TSPAN9: variants seen among roughly 807,000 people sequenced by gnomAD.
TSPAN9 encodes tetraspanin 9.
Under a neutral mutation model 31.0 loss-of-function variants are expected in TSPAN9, and 16 were observed. That is an observed-to-expected ratio of 0.52 (90% CI 0.35 to 0.78). The LOEUF (loss-of-function observed/expected upper bound fraction) is 0.78, where lower values mean the gene tolerates loss of function less well. TSPAN9 is among the 30% of genes least tolerant of loss of function. TSPAN9 has a pLI of 0.01. For synonymous variants in TSPAN9, 145 were observed against 121.6 expected, an observed-to-expected ratio of 1.19 and a Z score of -1.27; for missense variants, 272 against 312.5, an observed-to-expected ratio of 0.87 and a Z score of 0.98.
intron 2 of TSPAN9, among the ~76,000 whole-genome samples, chr12:3,148,274 C>T (rs990546495): frequency 7.2e-5 from 11 of 152,210 alleles, no homozygotes; most frequent in African/African-American, 2.2e-4. Context: ...AATTATCTGC[C>T]TCATTTTGCA....
intron 3 of TSPAN9, among the ~76,000 whole-genome samples, chr12:3,224,689 C>T (rs1166030619): frequency 6.6e-6 from 1 of 152,236 alleles, no homozygotes; most frequent in African/African-American, 2.4e-5. Context: ...TCTGCTCATA[C>T]CCAGATGCAC....
chr12:3,240,153 A>ATTT (rs1452189930), intron 3 of TSPAN9, among the ~76,000 whole-genome samples: 26 of 151,806 alleles, frequency 1.7e-4, no homozygotes, highest in Non-Finnish European at 3.1e-4. Flanking sequence ...TATTTCCTCT[A>ATTT]CTTTCACCCC....
At chr12:3,140,525 C>T (rs1191925738) in intron 2 of TSPAN9, among the ~76,000 whole-genome samples, 1 of 152,074 alleles carries the variant, frequency 6.6e-6, no homozygotes, top group Non-Finnish European at 1.5e-5. Flanking sequence ...GCAGAGGAGT[C>T]CCTGCAGGGA....
chr12:3,105,768 G>GCACTCACA (rs543090813), intron 2 of TSPAN9, among the ~76,000 whole-genome samples: 1 of 28,482 alleles, frequency 3.5e-5, no homozygotes, highest in Admixed American at 7.5e-4. Flanking sequence ...GCACACACGC[G>GCACTCACA]CACGCACACA....
chr12:3,212,944 A>C (rs2098379507), intron 3 of TSPAN9, among the ~76,000 whole-genome samples: 1 of 152,070 alleles, frequency 6.6e-6, no homozygotes, highest in African/African-American at 2.4e-5. Flanking sequence ...TATCCGGTGA[A>C]GGGATTGTGG....
intron 2 of TSPAN9, among the ~76,000 whole-genome samples, chr12:3,156,501 T>A (rs1265920214): frequency 6.6e-6 from 1 of 151,826 alleles, no homozygotes; most frequent in African/African-American, 2.4e-5. Context: ...GAGTTGTTTT[T>A]TTGTTTTTGT....
chr12:3,242,047 T>C (rs2098396855), intron 3 of TSPAN9, among the ~76,000 whole-genome samples: 2 of 152,324 alleles, frequency 1.3e-5, no homozygotes, highest in Admixed American at 1.3e-4. Context: ...GGAGAGAACA[T>C]TCTTGCTCCC....
intron 2 of TSPAN9, among the ~76,000 whole-genome samples, chr12:3,109,555 TG>T (rs2098317201): frequency 6.6e-6 from 1 of 151,606 alleles, no homozygotes. Context: ...CCCAGCACTT[TG>T]GGAGGCCGAG....
At chr12:3,086,476 C>T (rs891914174) in intron 2 of TSPAN9, among the ~76,000 whole-genome samples, 1 of 152,148 alleles carries the variant, frequency 6.6e-6, no homozygotes, top group Non-Finnish European at 1.5e-5. Flanking sequence ...TTCTGAGAGT[C>T]TTGTGACCAT....
intron 2 of TSPAN9, among the ~76,000 whole-genome samples, chr12:3,199,702 C>T (rs1447219742): frequency 1.1e-4 from 17 of 152,300 alleles, no homozygotes. Flanking sequence ...CTGCAGGAGC[C>T]TGGCGGAGCG....
intron 2 of TSPAN9, among the ~76,000 whole-genome samples, chr12:3,190,528 G>A (rs2098363811): frequency 1.3e-5 from 2 of 152,196 alleles, no homozygotes; most frequent in South Asian, 4.1e-4. Context: ...GCCCTTTTGA[G>A]GATCTGACAG....
At chr12:3,173,481 C>G (rs1267188008) in intron 2 of TSPAN9, 1 of 152,262 alleles carries the variant, frequency 6.6e-6, no homozygotes, top group Non-Finnish European at 1.5e-5. Flanking sequence ...TTACCACATG[C>G]TTGTGCTGTT....
At position 3,280,352 on chromosome 12, in the gene TSPAN9, A is replaced by G. The variant is rs1324400789; in HGVS notation, c.331-30A>G. ...AGAGACGAGCTGCGTCCTGGTTCCA[A>G]CCGTCTCACTGTGTCCCTCCGCCTG... is the stretch of plus-strand genomic sequence containing the variant. On this transcript the variant is annotated intron_variant, in intron 5 of 8. Coordinates refer to ENST00000011898, the MANE Select transcript of TSPAN9 (RefSeq NM_006675.5). The surrounding 1 kb of genome is among the most constrained non-coding windows in gnomAD (Gnocchi z 4.5). The G allele has an allele frequency of 2.5e-6, 4 of 1,603,384 alleles. No individual in the cohort carries two copies. The highest frequency in any genetic ancestry group is 2.2e-5 in the East Asian group (1 of 44,818).
At chr12:3,102,435 A>ATTTT (rs33918863) in intron 2 of TSPAN9, among the ~76,000 whole-genome samples, 3 of 135,246 alleles carry the variant, frequency 2.2e-5, no homozygotes, top group South Asian at 2.4e-4. Context: ...CCAAGGAGGA[A>ATTTT]TTTTTTTTTT....
intron 2 of TSPAN9, among the ~76,000 whole-genome samples, chr12:3,196,958 AG>A (rs138218208): frequency 0.043 from 6,484 of 152,232 alleles, 468 homozygotes; most frequent in African/African-American, 0.15. Context: ...TAGGAAGTGG[AG>A]GGGGCCACCC....
At chr12:3,275,671 T>C (rs1348956447) in intron 3 of TSPAN9, among the ~76,000 whole-genome samples, 2 of 152,214 alleles carry the variant, frequency 1.3e-5, no homozygotes, top group African/African-American at 2.4e-5. Context: ...GGCGAAGCTT[T>C]GTGATGGCCC....
At chr12:3,166,536 G>T (rs1407250969) in intron 2 of TSPAN9, among the ~76,000 whole-genome samples, 1 of 152,186 alleles carries the variant, frequency 6.6e-6, no homozygotes, top group Non-Finnish European at 1.5e-5. Flanking sequence ...TTATATGAAA[G>T]GGCTACCGGG....
intron 3 of TSPAN9, among the ~76,000 whole-genome samples, chr12:3,220,544 G>T: frequency 6.6e-6 from 1 of 152,202 alleles, no homozygotes; most frequent in East Asian, 1.9e-4. Context: ...AAGCTTCGTC[G>T]ATTCTGCTGC....
At chr12:3,182,555 A>G (rs1436896222) in intron 2 of TSPAN9, among the ~76,000 whole-genome samples, 1 of 151,418 alleles carries the variant, frequency 6.6e-6, no homozygotes, top group African/African-American at 2.4e-5. Flanking sequence ...CAACAGTGCT[A>G]TTGAGCAACT....
Sources: gnomAD v4.1 joint callset for allele counts (sites outside exome capture counted in the v4.1 genomes callset) on GRCh38, gnomAD v4.1.1 for gene constraint, Gnocchi (gnomAD v3.1) non-coding constraint, MANE v1.5 for transcripts, NCBI Gene and HGNC (gene_info 2026-07-23, HGNC 2026-07-21) for gene names.